The following GRIA1 variants were observed in gnomAD, a reference collection of about 807,000 sequenced individuals.
GRIA1 encodes the protein glutamate ionotropic receptor AMPA type subunit 1, also known as glutamate receptor 1.
In GRIA1, 31 loss-of-function variants were observed where a neutral mutation model predicts 99.2. That is an observed-to-expected ratio of 0.31 (90% CI 0.23 to 0.42). The LOEUF (loss-of-function observed/expected upper bound fraction) is 0.42. GRIA1 is among the 10% of genes least tolerant of loss of function. The pLI is 1.00. For synonymous variants in GRIA1, 438 were observed against 432.4 expected (o/e 1.01, Z -0.16); for missense variants, 782 against 1,157.5 (o/e 0.68, Z 4.71).
intron 2 of GRIA1, among the ~76,000 whole-genome samples, chr5:153,526,707 A>T (rs889944876): frequency 1.7e-4 from 26 of 152,240 alleles, no homozygotes; most frequent in African/African-American, 5.8e-4. Flanking sequence ...ATGCACAATC[A>T]TCTGCAGGAG....
At chr5:153,535,837 A>T (rs1167797897) in intron 2 of GRIA1, among the ~76,000 whole-genome samples, 1 of 152,114 alleles carries the variant, frequency 6.6e-6, no homozygotes, top group African/African-American at 2.4e-5. Context: ...TCCCTTATCC[A>T]TGTCTTTGAT....
chr5:153,539,846 C>T (rs1561624153), intron 2 of GRIA1, among the ~76,000 whole-genome samples: 1 of 152,324 alleles, frequency 6.6e-6, no homozygotes, highest in Non-Finnish European at 1.5e-5. Flanking sequence ...AAGAGTAGAA[C>T]TGAACTGTGA....
At chr5:153,590,936 T>C (rs1252018896) in intron 2 of GRIA1, among the ~76,000 whole-genome samples, 1 of 152,192 alleles carries the variant, frequency 6.6e-6, no homozygotes, top group African/African-American at 2.4e-5. Context: ...GTCTAAGCAT[T>C]GCCCCTTTAA....
chr5:153,503,556 G>A (rs568336532), intron 2 of GRIA1, among the ~76,000 whole-genome samples: 20 of 152,238 alleles, frequency 1.3e-4, no homozygotes, highest in African/African-American at 4.8e-4. Context: ...TTCCTAGGAA[G>A]GTGTTCATTA....
Position 153,813,791 on chromosome 5 carries a change from C to G in GRIA1, c.*2566C>G, listed in dbSNP as rs903142122. ...ATTTTTTTGGTTCTTGTTTTTCTTT[C>G]AAATAGCCAGGTTTTTTTCTTTTGG... On this transcript the variant is annotated 3_prime_UTR_variant, in exon 16 of 16. Coordinates refer to ENST00000285900, the MANE Select transcript of GRIA1 (RefSeq NM_000827.4). The G allele has an allele frequency of 6.6e-6, 1 of 152,104 alleles. No individual in the cohort carries two copies. The highest frequency in any genetic ancestry group is 2.4e-5 in the African/African-American group (1 of 41,424). 9.4% of individuals were successfully genotyped at this position (152,104 alleles called of 1,614,324 possible). A position where few individuals can be genotyped will look rare whatever the true frequency, so the allele number is the denominator to read the frequency against.
At chr5:153,809,532 C>A (rs1766667517) in intron 15 of GRIA1, among the ~76,000 whole-genome samples, 1 of 152,226 alleles carries the variant, frequency 6.6e-6, no homozygotes, top group Admixed American at 6.5e-5. Flanking sequence ...TTATCTCTGT[C>A]TGGCCACAGA....
chr5:153,654,279 C>G (rs529807365), intron 4 of GRIA1, among the ~76,000 whole-genome samples: 1 of 152,222 alleles, frequency 6.6e-6, no homozygotes, highest in East Asian at 1.9e-4. Context: ...CAGGTTGGAT[C>G]ATATGAAATT....
chr5:153,615,189 G>T (rs1011223295), intron 2 of GRIA1, among the ~76,000 whole-genome samples: 1 of 152,192 alleles, frequency 6.6e-6, no homozygotes, highest in African/African-American at 2.4e-5. Flanking sequence ...GTAATTAATG[G>T]GAAATGAACA....
chr5:153,512,377 A>G (rs910664075), intron 2 of GRIA1, among the ~76,000 whole-genome samples: 3 of 152,198 alleles, frequency 2.0e-5, no homozygotes, highest in African/African-American at 7.2e-5. Flanking sequence ...TCCAGTAAGG[A>G]ATGGTTGGAG....
chr5:153,667,980 C>T (rs367835218), intron 5 of GRIA1, among the ~76,000 whole-genome samples: 1 of 152,230 alleles, frequency 6.6e-6, no homozygotes, highest in African/African-American at 2.4e-5. Flanking sequence ...TACTCCCCAT[C>T]ATTGTACTCA....
chr5:153,559,934 C>T (rs1417100177), intron 2 of GRIA1, among the ~76,000 whole-genome samples: 2 of 152,166 alleles, frequency 1.3e-5, no homozygotes, highest in South Asian at 2.1e-4. Flanking sequence ...CCTTCTGACA[C>T]ACCCTATTGC....
At chr5:153,509,635 A>G (rs1755865674) in intron 2 of GRIA1, among the ~76,000 whole-genome samples, 1 of 152,196 alleles carries the variant, frequency 6.6e-6, no homozygotes. Flanking sequence ...AAGAGCAAGG[A>G]CTTTGGAGAT....
intron 9 of GRIA1, 116 bp from the exon 10 acceptor site, chr5:153,698,751 G>T: frequency 2.9e-6 from 2 of 697,552 alleles, no homozygotes; most frequent in East Asian, 2.6e-5. Flanking sequence ...TGAATTGAGG[G>T]GCTAGAGAGC....
At chr5:153,683,100 G>T (rs1465709501) in intron 7 of GRIA1, among the ~76,000 whole-genome samples, 4 of 152,298 alleles carry the variant, frequency 2.6e-5, no homozygotes, top group South Asian at 2.1e-4. Flanking sequence ...ACCCTGGGAT[G>T]GGGGGAGAGA....
chr5:153,582,877 T>C (rs1763163159), intron 2 of GRIA1, among the ~76,000 whole-genome samples: 3 of 152,086 alleles, frequency 2.0e-5, no homozygotes, highest in African/African-American at 4.8e-5. Flanking sequence ...CAGCTCACTA[T>C]AGCCTTGAAC....
In GRIA1 at chr5:153,636,263, A is replaced by T. The variant is rs547471143; in HGVS notation, c.221-10665A>T. On this transcript the variant is annotated intron_variant, in intron 2 of 15. Transcript: ENST00000285900. ...TACCTTATTGAGTATTCACAACAGA[A>T]AATGAATGTAGGAGATTGAAAATTG... Among the ~76,000 whole-genome samples the T allele has an allele frequency of 5.9e-5, 9 of 152,326 alleles. No homozygotes were observed. The South Asian group carries it at 1.0e-3, about 18-fold the overall frequency.
intron 13 of GRIA1, among the ~76,000 whole-genome samples, chr5:153,782,215 C>T (rs1007918414): frequency 6.6e-6 from 1 of 152,182 alleles, no homozygotes; most frequent in Non-Finnish European, 1.5e-5. Context: ...GATAATGAAT[C>T]AGTGGCACAG....
At chr5:153,762,735 G>A (rs1339263690) in intron 11 of GRIA1, among the ~76,000 whole-genome samples, 1 of 152,170 alleles carries the variant, frequency 6.6e-6, no homozygotes, top group Non-Finnish European at 1.5e-5. Context: ...TCACCACCAA[G>A]TATATCTCTG....
chr5:153,607,199 C>T (rs1765533344), intron 2 of GRIA1, among the ~76,000 whole-genome samples: 1 of 151,736 alleles, frequency 6.6e-6, no homozygotes, highest in Non-Finnish European at 1.5e-5. Flanking sequence ...TTGTTTTCCT[C>T]TGGGTAGATT....
Sources: gnomAD v4.1 joint callset for allele counts (sites outside exome capture counted in the v4.1 genomes callset) on GRCh38, gnomAD v4.1.1 for gene constraint, MANE v1.5 for transcripts, NCBI Gene and HGNC (gene_info 2026-07-23, HGNC 2026-07-21) for gene names.